PDE1C: variants seen among roughly 807,000 people sequenced by gnomAD.
PDE1C encodes the protein phosphodiesterase 1C.
Under a neutral mutation model 93.1 loss-of-function variants are expected in PDE1C, and 62 were observed. That is an observed-to-expected ratio of 0.67 (90% confidence interval 0.54 to 0.82). The LOEUF (loss-of-function observed/expected upper bound fraction) is 0.82. Among genes scored for constraint, PDE1C ranks in the 40% least tolerant of loss-of-function variants. The pLI, the probability that PDE1C is intolerant of heterozygous loss-of-function variation, is 0.00. For missense variants in PDE1C, 742 were observed against 884.6 expected (o/e 0.84, Z 2.04); for synonymous variants, 325 against 310.1 (o/e 1.05, Z -0.50).
chr7:32,230,109 A>G (rs1365162472), intron 1 of PDE1C, among the ~76,000 whole-genome samples: 4 of 152,160 alleles, frequency 2.6e-5, no homozygotes, highest in African/African-American at 9.7e-5. Flanking sequence ...AACGTCATCA[A>G]GTGAAAGCTT....
chr7:31,702,894 T>C, the PDE1C span, among the ~76,000 whole-genome samples: 27 of 152,326 alleles, frequency 1.8e-4, no homozygotes, highest in African/African-American at 6.5e-4. Flanking sequence ...TTGAAGACCT[T>C]CTAGGAGAAG....
intron 2 of PDE1C, among the ~76,000 whole-genome samples, chr7:32,186,101 T>G (rs542185399): frequency 0.024 from 3,551 of 144,970 alleles, 47 homozygotes; most frequent in Non-Finnish European, 0.038. Context: ...TTTTTTTTTT[T>G]TTTTTTTTTT....
At chr7:32,355,083 C>T (rs543578691) in intron 1 of PDE1C, among the ~76,000 whole-genome samples, 2 of 152,284 alleles carry the variant, frequency 1.3e-5, no homozygotes, top group East Asian at 3.9e-4. Context: ...TCTCAACACC[C>T]CAAAGCTCTT....
In PDE1C at chr7:32,093,155, G is replaced by C. The variant is rs1000424834; in HGVS notation, c.308+76630C>G. ...CAGTCATTTCAAGAATACATAGAAGGGTAGGTAGAATGACTGCCTAGAGGG... is the reference window on the plus strand; with the variant it reads ...CAGTCATTTCAAGAATACATAGAAGCGTAGGTAGAATGACTGCCTAGAGGG... On this transcript the variant is annotated intron_variant, in intron 3 of 18. Transcript: ENST00000396193. Among the ~76,000 whole-genome samples the C allele has an allele frequency of 3.3e-5, 5 of 152,296 alleles. No individual in the cohort carries two copies. The East Asian group carries it at 5.8e-4, about 18-fold the overall frequency.
intron 3 of PDE1C, among the ~76,000 whole-genome samples, chr7:32,156,106 T>C (rs776964374): frequency 2.0e-5 from 3 of 152,156 alleles, no homozygotes; most frequent in African/African-American, 4.8e-5. Flanking sequence ...ATAAAAGACA[T>C]TGTTTTCTTT....
At chr7:32,153,374 A>G (rs1801376214) in intron 3 of PDE1C, among the ~76,000 whole-genome samples, 1 of 152,196 alleles carries the variant, frequency 6.6e-6, no homozygotes, top group African/African-American at 2.4e-5. Flanking sequence ...CAAAATCTTT[A>G]TCTGGTGACT....
rs144846233 is a variant in PDE1C, at chr7:31,828,455, G to A, written c.1204-82C>T. ...TTCATTTAGCAACTTCTGCCGCCAC[G>A]GAGGCCACTGGTCTTTATTTTAATT... is the stretch of plus-strand genomic sequence containing the variant. On this transcript the variant is annotated intron_variant, in intron 11 of 17. Coordinates refer to ENST00000396191, the MANE Select transcript of PDE1C (RefSeq NM_001191057.4). 1.3e-4 allele frequency: 110 copies of A among 849,492 alleles called. No individual in the cohort carries two copies. The African/African-American group carries it at 1.5e-3, about 11-fold the overall frequency. 52.6% of individuals were successfully genotyped at this position (849,492 alleles called of 1,614,324 possible).
intron 17 of PDE1C, among the ~76,000 whole-genome samples, chr7:31,768,778 C>A (rs1406389392): frequency 6.6e-6 from 1 of 152,032 alleles, no homozygotes; most frequent in African/African-American, 2.4e-5. Context: ...CACTTTTCTT[C>A]TTGTTGACAT....
chr7:31,617,265 A>AG, the PDE1C span, among the ~76,000 whole-genome samples: 7 of 57,526 alleles, frequency 1.2e-4, no homozygotes, highest in Admixed American at 2.4e-4. Flanking sequence ...ACAACAATTT[A>AG]ACTTTGCAAA....
At chr7:32,324,946 C>T (rs1783376681) in intron 1 of PDE1C, among the ~76,000 whole-genome samples, 1 of 152,102 alleles carries the variant, frequency 6.6e-6, no homozygotes, top group African/African-American at 2.4e-5. Flanking sequence ...AAGGCCCTAT[C>T]TCAAAAAGAG....
intron 9 of PDE1C, among the ~76,000 whole-genome samples, chr7:31,845,667 A>T (rs1792476371): frequency 6.6e-6 from 1 of 151,924 alleles, no homozygotes; most frequent in African/African-American, 2.4e-5. Context: ...AAAATATAAT[A>T]AAAAAAATTT....
chr7:31,841,229 A>C (rs2392005), intron 9 of PDE1C, among the ~76,000 whole-genome samples: 22,927 of 62,352 alleles, frequency 0.37, 1,977 homozygotes, highest in Middle Eastern at 0.42. Flanking sequence ...CTCTCTCTCT[A>C]TATATATATA....
the PDE1C span, among the ~76,000 whole-genome samples, chr7:31,661,791 C>CA: frequency 3.3e-5 from 5 of 152,142 alleles, no homozygotes; most frequent in Non-Finnish European, 7.3e-5. Flanking sequence ...ACTCCCATCA[C>CA]ACTTCCCATC....
the PDE1C span, among the ~76,000 whole-genome samples, chr7:31,639,997 G>T: frequency 6.6e-6 from 1 of 151,938 alleles, no homozygotes; most frequent in Non-Finnish European, 1.5e-5. Context: ...CCACACATTT[G>T]GATTTTACCA....
intron 1 of PDE1C, among the ~76,000 whole-genome samples, chr7:32,380,905 G>A (rs1784522990): frequency 6.6e-6 from 1 of 151,880 alleles, no homozygotes; most frequent in Admixed American, 6.5e-5. Flanking sequence ...ATTTGCAGCT[G>A]TACTGCACAC....
chr7:32,006,677 G>A (rs758641517), intron 2 of PDE1C, among the ~76,000 whole-genome samples: 35 of 152,302 alleles, frequency 2.3e-4, no homozygotes, highest in Non-Finnish European at 4.4e-4. Flanking sequence ...AAACAAAACC[G>A]TGATGAAATT....
chr7:31,702,956 G>A, the PDE1C span, among the ~76,000 whole-genome samples: 10 of 152,256 alleles, frequency 6.6e-5, no homozygotes, highest in Admixed American at 3.3e-4. Flanking sequence ...CCCAGTATAC[G>A]AAATTGAACA....
chr7:31,791,138 T>C (rs1784555565), intron 16 of PDE1C, among the ~76,000 whole-genome samples: 1 of 152,144 alleles, frequency 6.6e-6, no homozygotes, highest in Non-Finnish European at 1.5e-5. Context: ...GATACTCTCC[T>C]AAGATTTAGG....
At chr7:31,664,226 T>C in the PDE1C span, among the ~76,000 whole-genome samples, 1 of 152,234 alleles carries the variant, frequency 6.6e-6, no homozygotes, top group African/African-American at 2.4e-5. Context: ...GGCAGCAGTC[T>C]GCTCTGAAAC....
Sources: gnomAD v4.1 joint callset for allele counts (sites outside exome capture counted in the v4.1 genomes callset) on GRCh38, gnomAD v4.1.1 for gene constraint, MANE v1.5 for transcripts, NCBI Gene and HGNC (gene_info 2026-07-23, HGNC 2026-07-21) for gene names.